The following WAC variants were observed in gnomAD, a reference collection of about 807,000 sequenced individuals.
WAC encodes WW domain-containing adapter protein with coiled-coil.
WAC carries 11 observed loss-of-function variants against 79.6 expected under a neutral mutation model. The ratio of observed to expected loss-of-function variants is 0.14; its 90% CI spans 0.09 to 0.23. The LOEUF (loss-of-function observed/expected upper bound fraction) is 0.23, where lower values mean the gene tolerates loss of function less well. Among genes scored for constraint, WAC ranks in the 10% least tolerant of loss-of-function variants. The pLI is 1.00. For missense variants in WAC, 728 were observed against 773.5 expected (o/e 0.94, Z 0.70); for synonymous variants, 304 against 276.9 (o/e 1.10, Z -0.97).
intron 4 of WAC, among the ~76,000 whole-genome samples, chr10:28,588,005 A>G (rs746011729): frequency 2.0e-5 from 3 of 152,084 alleles, no homozygotes; most frequent in Admixed American, 1.3e-4. Context: ...TATTTCCTCC[A>G]GGATAAGTTG....
intron 2 of WAC, 158 bp downstream of exon 2, chr10:28,534,192 C>T (rs1589112239): frequency 1.5e-6 from 1 of 658,530 alleles, no homozygotes; most frequent in East Asian, 3.3e-5. Context: ...GGTTTGGTTC[C>T]TTTAGCGCTC....
In WAC at chr10:28,611,588, C is replaced by T; in HGVS notation, c.1289-186C>T. 3 of 1,242,376 alleles carry T rather than the reference C, an allele frequency of 2.4e-6. No individual in the cohort carries two copies. In the Admixed American group the frequency reaches 8.5e-5, roughly 35 times the overall value. The allele number at this position is 1,242,376 out of a possible 1,614,324, so 77.0% of individuals were successfully genotyped here. ...TGTGCTTACCTCTGAACACACAGCT[C>T]ACTTAGTCAGTGTGGCCCAGTGAGA... On this transcript the variant is annotated intron_variant, in intron 9 of 13. Coordinates refer to ENST00000354911, the MANE Select transcript of WAC (RefSeq NM_016628.5).
intron 2 of WAC, 187 bp from the exon 3 acceptor site, chr10:28,535,375 A>T: frequency 4.1e-6 from 2 of 482,858 alleles, no homozygotes; most frequent in Non-Finnish European, 6.7e-6. Flanking sequence ...CAGGAGTCTT[A>T]TTGTAACGCT....
chr10:28,544,336 T>G (rs1252118060), intron 3 of WAC, among the ~76,000 whole-genome samples: 2 of 152,242 alleles, frequency 1.3e-5, no homozygotes, highest in African/African-American at 4.8e-5. Context: ...AGGAAATACC[T>G]ACTTTATATT....
intron 6 of WAC, 30 bp downstream of exon 6, chr10:28,590,862 T>A (rs1170234594): frequency 6.7e-7 from 1 of 1,500,166 alleles, no homozygotes; most frequent in East Asian, 2.3e-5. Flanking sequence ...CTTTGAAATG[T>A]ATGTTTGACT....
chr10:28,542,638 T>TA (rs1228697224), intron 3 of WAC, among the ~76,000 whole-genome samples: 2 of 152,234 alleles, frequency 1.3e-5, no homozygotes, highest in African/African-American at 4.8e-5. Context: ...AGATACCTGA[T>TA]ACGAGACAAA....
At chr10:28,540,138 ATGT>A (rs762047312) in intron 3 of WAC, among the ~76,000 whole-genome samples, 17 of 152,224 alleles carry the variant, frequency 1.1e-4, no homozygotes, top group African/African-American at 3.6e-4. Context: ...AACATTAGAA[ATGT>A]TGTATAGAAA....
intron 3 of WAC, among the ~76,000 whole-genome samples, chr10:28,557,113 G>A (rs529778467): frequency 1.3e-5 from 2 of 151,476 alleles, no homozygotes; most frequent in Admixed American, 6.6e-5. Context: ...ATAGGTATAA[G>A]TCACGGTTAT....
chr10:28,598,796 G>A (rs1437965175), intron 7 of WAC, among the ~76,000 whole-genome samples: 1 of 152,142 alleles, frequency 6.6e-6, no homozygotes, highest in African/African-American at 2.4e-5. Flanking sequence ...GAGTAGATTC[G>A]AGTTTAAATT....
intron 3 of WAC, among the ~76,000 whole-genome samples, chr10:28,578,850 G>A (rs1038110284): frequency 6.6e-6 from 1 of 152,024 alleles, no homozygotes; most frequent in Non-Finnish European, 1.5e-5. Flanking sequence ...CTCTTGTACC[G>A]ACCCTTGGAC....
At chr10:28,604,412 C>T (rs769220546) in intron 7 of WAC, among the ~76,000 whole-genome samples, 3 of 151,944 alleles carry the variant, frequency 2.0e-5, no homozygotes, top group Non-Finnish European at 4.4e-5. Flanking sequence ...GGTGCCGAGT[C>T]CTGTTTTCTA....
chr10:28,602,784 A>T (rs1840705154), intron 7 of WAC, among the ~76,000 whole-genome samples: 1 of 152,216 alleles, frequency 6.6e-6, no homozygotes, highest in African/African-American at 2.4e-5. Flanking sequence ...TTTAAACCCT[A>T]GAAAGAGGTT....
chr10:28,610,796 T>A lies in WAC; in HGVS notation c.1263T>A (p.Ser421=). The change falls in exon 9 of 14, where the codon TCT becomes TCA. Residue 421 remains serine, a synonymous_variant. Coordinates refer to ENST00000354911, the MANE Select transcript of WAC (RefSeq NM_016628.5). The stretch of plus-strand genomic sequence containing the variant: ...CTTTCAACATAACGTCTCTGATTTC[T>A]CAAGCTGCTCAGCTCTCTACACAAG... The part of the protein sequence containing the change: ...PSAFNITSLI[S]QAAQLSTQAQ... 6.2e-7 allele frequency: 1 copy of A among 1,611,804 alleles called. No homozygotes were observed. Among genetic ancestry groups the A allele is most frequent in the African/African-American group, 1.3e-5 (1 of 74,914 alleles).
At chr10:28,536,866 C>G (rs1836707784) in intron 3 of WAC, among the ~76,000 whole-genome samples, 1 of 152,190 alleles carries the variant, frequency 6.6e-6, no homozygotes, top group Admixed American at 6.5e-5. Flanking sequence ...ATATCTTAAG[C>G]AGATTTACAA....
chr10:28,538,581 CAAAAA>C (rs34777121), intron 3 of WAC, among the ~76,000 whole-genome samples: 4 of 98,288 alleles, frequency 4.1e-5, no homozygotes, highest in Admixed American at 1.1e-4. Context: ...GACCCTGTCT[CAAAAA>C]AAAAAAAAAA....
chr10:28,613,020 CA>C (rs1286532484), intron 10 of WAC, among the ~76,000 whole-genome samples: 1 of 152,108 alleles, frequency 6.6e-6, no homozygotes, highest in East Asian at 1.9e-4. Context: ...CGGTGGCTCA[CA>C]GCTATAATTA....
chr10:28,569,548 G>A (rs1474215570), intron 3 of WAC, among the ~76,000 whole-genome samples: 1 of 152,178 alleles, frequency 6.6e-6, no homozygotes, highest in Non-Finnish European at 1.5e-5. Context: ...TTTTGCAGTT[G>A]ATTACTTTTA....
At chr10:28,545,795 C>T (rs1837319115) in intron 3 of WAC, among the ~76,000 whole-genome samples, 1 of 152,218 alleles carries the variant, frequency 6.6e-6, no homozygotes, top group African/African-American at 2.4e-5. Context: ...TCTAATTGGA[C>T]AGGCCAGTGA....
In WAC at chr10:28,595,721, T is replaced by C; in HGVS notation, c.611-12T>C. 6.2e-7 allele frequency: 1 copy of C among 1,605,348 alleles called. No homozygotes were observed. Reference sequence around the variant, plus strand: ...CATTCCAACATCTGTTTTTTCGAACTGTGAACTAAAGTGGAAGACAAGCAT... The same window carrying C: ...CATTCCAACATCTGTTTTTTCGAACCGTGAACTAAAGTGGAAGACAAGCAT... On this transcript the variant is annotated splice_polypyrimidine_tract_variant and intron_variant, in intron 6 of 13. Coordinates refer to ENST00000354911, the MANE Select transcript of WAC (RefSeq NM_016628.5).
Sources: allele counts gnomAD v4.1 joint callset (sites outside exome capture counted in the v4.1 genomes callset), GRCh38; gene constraint gnomAD v4.1.1; transcripts MANE v1.5; gene names NCBI Gene and HGNC (gene_info 2026-07-23, HGNC 2026-07-21).